Variants in FRRS1L observed in about 807,000 individuals in gnomAD.
FRRS1L encodes the protein DOMON domain-containing protein FRRS1L.
In FRRS1L, 22 loss-of-function variants were observed where a neutral mutation model predicts 28.6. The ratio of observed to expected loss-of-function variants is 0.77; its 90% CI spans 0.55 to 1.10. FRRS1L has a LOEUF of 1.10. Ranked by LOEUF, FRRS1L falls within the 50% of genes least tolerant of loss-of-function variation. FRRS1L has a pLI of 0.00. For synonymous variants in FRRS1L, 158 were observed against 151.4 expected, an observed-to-expected ratio of 1.04 and a Z score of -0.32; for missense variants, 380 against 386.9, an observed-to-expected ratio of 0.98 and a Z score of 0.15.
intron 1 of FRRS1L, among the ~76,000 whole-genome samples, chr9:109,164,396 A>ATTT (rs61154383): frequency 4.5e-5 from 6 of 134,738 alleles, no homozygotes; most frequent in African/African-American, 5.6e-5. Flanking sequence ...GAGCAGGTTG[A>ATTT]TTTTTTTTTT....
rs1188998293 is a variant in FRRS1L at position 109,133,189 on chromosome 9, G to C, written c.*4266C>G. Reference sequence around the variant, plus strand: ...CAGCGGAGCAATAAAAAAAGCACTGGGCTCCAAGTTAGAAGACCTAGGTTT... The same window carrying C: ...CAGCGGAGCAATAAAAAAAGCACTGCGCTCCAAGTTAGAAGACCTAGGTTT... On this transcript the variant is annotated 3_prime_UTR_variant, in exon 5 of 5. Transcript: ENST00000561981. 1 of 152,022 alleles carries C rather than the reference G, an allele frequency of 6.6e-6. No homozygotes were observed. Among genetic ancestry groups the C allele is most frequent in the African/African-American group, 2.4e-5 (1 of 41,384 alleles). 9.4% of individuals were successfully genotyped at this position (152,022 alleles called of 1,614,324 possible). A position where few individuals can be genotyped will look rare whatever the true frequency, so the allele number is the denominator to read the frequency against.
At chr9:109,155,525 C>T (rs1831392793) in intron 1 of FRRS1L, among the ~76,000 whole-genome samples, 2 of 151,946 alleles carry the variant, frequency 1.3e-5, no homozygotes, top group South Asian at 4.2e-4. Context: ...ACCAGCCTGG[C>T]CAACATGGTG....
Position 109,167,038 on chromosome 9 carries a change from C to T in FRRS1L, c.101G>A (p.Gly34Asp), listed in dbSNP as rs1378223355. The change falls in exon 1 of 5, where the codon GGT (glycine) becomes GAT (aspartate). Residue 34 changes from glycine (G) to aspartate (D), a missense_variant. Transcript: ENST00000561981. ...GGGTCCCCGGCCCCCCGGGCCCGCACCGTCGTCCGCGGGGCTGGCTGCGCA... is the reference window on the plus strand; with the variant it reads ...GGGTCCCCGGCCCCCCGGGCCCGCATCGTCGTCCGCGGGGCTGGCTGCGCA... ...AACAASPADD[G>D]AGPGGRGPRG... is the part of the protein sequence containing the mutation. 1 of 1,201,420 alleles carries T rather than the reference C, an allele frequency of 8.3e-7. No homozygotes were observed. Among genetic ancestry groups the T allele is most frequent in the Non-Finnish European group, 1.0e-6 (1 of 970,804 alleles). The allele number at this position is 1,201,420 out of a possible 1,614,324, so 74.4% of individuals were successfully genotyped here. A position where few individuals can be genotyped will look rare whatever the true frequency, so the allele number is the denominator to read the frequency against.
intron 1 of FRRS1L, among the ~76,000 whole-genome samples, chr9:109,160,282 T>A (rs997633010): frequency 5.9e-5 from 9 of 152,148 alleles, no homozygotes; most frequent in African/African-American, 1.9e-4. Flanking sequence ...AAAGCTATCG[T>A]CCTATGTTTC....
chr9:109,164,678 G>A (rs1281071666), intron 1 of FRRS1L, among the ~76,000 whole-genome samples: 4 of 152,204 alleles, frequency 2.6e-5, no homozygotes, highest in Admixed American at 2.0e-4. Flanking sequence ...TTACAGTCGT[G>A]AAGCACCACG....
chr9:109,149,964 A>G, intron 1 of FRRS1L: 1 of 417,816 alleles, frequency 2.4e-6, no homozygotes, highest in Non-Finnish European at 4.3e-6. Context: ...CAGGAGAGGA[A>G]CCTGGGGCAC....
rs988175381 is a variant in FRRS1L, at chr9:109,167,233, C to G, written c.-95G>C. ...TGAGCCTCCGCCGAGGCCACCAGCACGCGCCCGCGCAGCCGCGGAGCCTCC... is the reference window on the plus strand; with the variant it reads ...TGAGCCTCCGCCGAGGCCACCAGCAGGCGCCCGCGCAGCCGCGGAGCCTCC... On this transcript the variant is annotated 5_prime_UTR_variant, in exon 1 of 5. Transcript: ENST00000561981. The G allele has an allele frequency of 2.9e-6, 4 of 1,376,530 alleles. 1 individual carries two copies. The Admixed American group carries it at 8.0e-5, about 28-fold the overall frequency. 85.3% of individuals were successfully genotyped at this position (1,376,530 alleles called of 1,614,324 possible). A position where few individuals can be genotyped will look rare whatever the true frequency, so the allele number is the denominator to read the frequency against.
Position 109,131,357 on chromosome 9 carries a change from T to A in FRRS1L, c.*6098A>T, listed in dbSNP as rs949757349. 6.6e-6 allele frequency: 1 copy of A among 152,238 alleles called. No homozygotes were observed. The highest frequency in any genetic ancestry group is 2.4e-5 in the African/African-American group (1 of 41,468). The allele number at this position is 152,238 out of a possible 1,614,324, so 9.4% of individuals were successfully genotyped here. The stretch of plus-strand genomic sequence containing the variant: ...ACATCCAGGAATCCTTTCTACAAAC[T>A]ACATTGCTATAAACTCAAGCATAGT... On this transcript the variant is annotated 3_prime_UTR_variant, in exon 5 of 5. Coordinates refer to ENST00000561981, the MANE Select transcript of FRRS1L (RefSeq NM_014334.4).
chr9:109,146,167 A>C (rs1831257841), intron 3 of FRRS1L, among the ~76,000 whole-genome samples: 1 of 152,238 alleles, frequency 6.6e-6, no homozygotes, highest in South Asian at 2.1e-4. Flanking sequence ...ATTGCACTCC[A>C]GCCTGGGCAA....
At chr9:109,160,550 C>T (rs142969504) in intron 1 of FRRS1L, among the ~76,000 whole-genome samples, 80 of 152,104 alleles carry the variant, frequency 5.3e-4, no homozygotes, top group Non-Finnish European at 1.0e-3. Flanking sequence ...CCATGACTGG[C>T]TAACTTTTTT....
intron 1 of FRRS1L, among the ~76,000 whole-genome samples, chr9:109,165,513 GA>G (rs1258481055): frequency 6.6e-6 from 1 of 152,226 alleles, no homozygotes. Context: ...TTATCAGAGA[GA>G]AAAATAAACT....
In FRRS1L at chr9:109,147,153, G is replaced by A; in HGVS notation, c.360C>T (p.Asp120=). 1 of 1,613,494 alleles carries A rather than the reference G, an allele frequency of 6.2e-7. No homozygotes were observed. The highest frequency in any genetic ancestry group is 8.5e-7 in the Non-Finnish European group (1 of 1,179,412). The change falls in exon 3 of 5, where the codon GAC becomes GAT. Residue 120 remains aspartate (D), a synonymous_variant. Coordinates refer to ENST00000561981, the MANE Select transcript of FRRS1L (RefSeq NM_014334.4). ...GKPGCNAETC[D]YFLSYRMIGA... The stretch of plus-strand genomic sequence containing the variant: ...CTATCATCCGGTAGCTGAGGAAATA[G>A]TCACAGGTCTCTGCATTACAGCCTG...
rs1986934 is a variant in FRRS1L, at chr9:109,136,163, C to T, written c.*1292G>A. On this transcript the variant is annotated 3_prime_UTR_variant, in exon 5 of 5. Transcript: ENST00000561981. ...AGGAGAATCACTTGAACCTGGGAGG[C>T]GGAGGTTGCAGTGAAGCTGAGATCA... The T allele has an allele frequency of 0.15, 22,906 of 150,550 alleles. 1,978 individuals are homozygous for T. The highest frequency in any genetic ancestry group is 0.18 in the African/African-American group (7,402 of 40,916). 9.3% of individuals were successfully genotyped at this position (150,550 alleles called of 1,614,324 possible).
chr9:109,152,785 C>CAG (rs1831348858), intron 1 of FRRS1L, among the ~76,000 whole-genome samples: 1 of 104,156 alleles, frequency 9.6e-6, no homozygotes, highest in Non-Finnish European at 1.7e-5. Flanking sequence ...GCCTGGGTGA[C>CAG]AGAGAGAGAC....
chr9:109,138,460 G>C (rs188356243), intron 4 of FRRS1L: 7 of 152,288 alleles, frequency 4.6e-5, no homozygotes, highest in Admixed American at 3.9e-4. Flanking sequence ...TTAGGAATAG[G>C]GCTCAGAGTG....
rs1315715291 is a variant in FRRS1L at position 109,131,413 on chromosome 9, C to T, written c.*6042G>A. 1 of 152,204 alleles carries T rather than the reference C, an allele frequency of 6.6e-6. No individual in the cohort carries two copies. The highest frequency in any genetic ancestry group is 2.4e-5 in the African/African-American group (1 of 41,450). 9.4% of individuals were successfully genotyped at this position (152,204 alleles called of 1,614,324 possible). On this transcript the variant is annotated 3_prime_UTR_variant, in exon 5 of 5. Coordinates refer to ENST00000561981, the MANE Select transcript of FRRS1L (RefSeq NM_014334.4). ...CTGTAATATGCATAATGTTCTACCT[C>T]TTGGGTTTTAAAGTAGGCAAGAGAT...
rs1477785949 is a variant in FRRS1L, at chr9:109,137,302, A to G, written c.*153T>C. On this transcript the variant is annotated 3_prime_UTR_variant, in exon 5 of 5. Transcript: ENST00000561981. The stretch of plus-strand genomic sequence containing the variant: ...TATTAAACAATCTTCTTTGACTACA[A>G]AAGAAGCTTGTTCTTTCTTCCAAAA... 1 of 453,150 alleles carries G rather than the reference A, an allele frequency of 2.2e-6. No homozygotes were observed. The highest frequency in any genetic ancestry group is 3.8e-6 in the Non-Finnish European group (1 of 260,670). 28.1% of individuals were successfully genotyped at this position (453,150 alleles called of 1,614,324 possible).
At chr9:109,147,425 G>T in intron 2 of FRRS1L, 4 of 441,000 alleles carry the variant, frequency 9.1e-6, no homozygotes, top group Non-Finnish European at 1.6e-5. Context: ...GCCCGAGGTT[G>T]TATAGTGAAG....
intron 3 of FRRS1L, among the ~76,000 whole-genome samples, chr9:109,146,755 T>C (rs991271947): frequency 6.6e-6 from 1 of 152,106 alleles, no homozygotes; most frequent in African/African-American, 2.4e-5. Context: ...TCCATGAACA[T>C]GTGAGCAAGC....
Sources: allele counts gnomAD v4.1 joint callset (sites outside exome capture counted in the v4.1 genomes callset), GRCh38; gene constraint gnomAD v4.1.1; transcripts MANE v1.5; gene names NCBI Gene and HGNC (gene_info 2026-07-23, HGNC 2026-07-21).